Variants in CDH18 observed in about 807,000 individuals in gnomAD.
CDH18 encodes cadherin-18.
In CDH18, 31 loss-of-function variants were observed where a neutral mutation model predicts 67.9. The observed-to-expected ratio is 0.46, with a 90% CI of 0.34 to 0.62. The LOEUF is 0.62. Ranked by LOEUF, CDH18 falls within the 20% of genes least tolerant of loss-of-function variation. CDH18 has a pLI of 0.01. For synonymous variants in CDH18, 362 were observed against 347.2 expected, an observed-to-expected ratio of 1.04 and a Z score of -0.48; for missense variants, 890 against 975.5, an observed-to-expected ratio of 0.91 and a Z score of 1.17.
intron 2 of CDH18, among the ~76,000 whole-genome samples, chr5:20,228,166 C>T (rs1408654452): frequency 6.6e-6 from 1 of 151,848 alleles, no homozygotes; most frequent in African/African-American, 2.4e-5. Context: ...TTTGTCATTC[C>T]TTATCAATCT....
intron 2 of CDH18, among the ~76,000 whole-genome samples, chr5:20,156,424 T>C (rs111936108): frequency 1.3e-5 from 2 of 152,154 alleles, no homozygotes; most frequent in African/African-American, 4.8e-5. Context: ...TAATGTTCTT[T>C]GCAACAACAT....
At chr5:20,510,566 C>T (rs1035128698) in intron 1 of CDH18, among the ~76,000 whole-genome samples, 2 of 151,994 alleles carry the variant, frequency 1.3e-5, no homozygotes, top group African/African-American at 4.8e-5. Flanking sequence ...CAGTGAATCT[C>T]GGCCTTCACT....
intron 2 of CDH18, among the ~76,000 whole-genome samples, chr5:19,847,347 C>T (rs1300863196): frequency 6.6e-6 from 1 of 151,966 alleles, no homozygotes; most frequent in Non-Finnish European, 1.5e-5. Context: ...TTTCAAATGG[C>T]CTGTCTTTAA....
chr5:19,562,346 ATC>A (rs1032759221), intron 8 of CDH18, among the ~76,000 whole-genome samples: 5 of 152,250 alleles, frequency 3.3e-5, no homozygotes, highest in East Asian at 1.9e-4. Context: ...TTATTTTAAA[ATC>A]TCTCTCTTTT....
intron 2 of CDH18, among the ~76,000 whole-genome samples, chr5:20,157,646 T>A (rs1271745504): frequency 1.8e-5 from 2 of 114,184 alleles, no homozygotes; most frequent in East Asian, 6.0e-4. Flanking sequence ...TTTAACCCAC[T>A]TTTTTTTTTT....
At chr5:19,518,745 G>A (rs900578507) in intron 10 of CDH18, among the ~76,000 whole-genome samples, 4 of 152,044 alleles carry the variant, frequency 2.6e-5, no homozygotes, top group Admixed American at 1.3e-4. Context: ...CTAATATTGA[G>A]GTTTAGGGAC....
At chr5:20,167,253 T>C (rs1281854601) in intron 2 of CDH18, among the ~76,000 whole-genome samples, 1 of 152,116 alleles carries the variant, frequency 6.6e-6, no homozygotes, top group Non-Finnish European at 1.5e-5. Context: ...ACCAAATAAA[T>C]GCTTTTGTCC....
chr5:19,784,104 A>C (rs975282743), intron 3 of CDH18, among the ~76,000 whole-genome samples: 6 of 152,174 alleles, frequency 3.9e-5, no homozygotes, highest in South Asian at 2.1e-4. Flanking sequence ...TGCCATGTGC[A>C]AAAAACTGGA....
chr5:20,249,214 T>TA lies in CDH18; in HGVS notation c.-518+6229dup, dbSNP rs563402037. ...AGCAAAATTCATTATGTGATTTTTT[T>TA]AAATTATTTTTAAAACTTCATCAAA... On this transcript the variant is annotated intron_variant, in intron 2 of 14. Coordinates refer to the CDH18 transcript ENST00000507958. 7.4e-3 allele frequency among the ~76,000 whole-genome samples: 1,126 copies of TA among 152,092 alleles called. 11 individuals carry two copies. Among genetic ancestry groups the TA allele is most frequent in the South Asian group, 0.014 (67 of 4,828 alleles).
intron 1 of CDH18, among the ~76,000 whole-genome samples, chr5:20,510,979 TG>T (rs1159302415): frequency 1.3e-5 from 2 of 152,198 alleles, no homozygotes. Flanking sequence ...TTGGAACAAT[TG>T]GATAGCCACA....
intron 1 of CDH18, among the ~76,000 whole-genome samples, chr5:20,488,023 G>A (rs1468547200): frequency 2.0e-5 from 3 of 152,078 alleles, no homozygotes; most frequent in Admixed American, 2.0e-4. Context: ...CTGATTGGCT[G>A]TCCTGCCTGT....
intron 3 of CDH18, among the ~76,000 whole-genome samples, chr5:19,824,800 C>T (rs941151652): frequency 2.0e-5 from 3 of 152,134 alleles, no homozygotes; most frequent in African/African-American, 7.2e-5. Flanking sequence ...CCCAATCCAA[C>T]CCTGCAACTG....
At chr5:19,562,567 T>C (rs413813) in intron 8 of CDH18, among the ~76,000 whole-genome samples, 8,585 of 152,238 alleles carry the variant, frequency 0.056, 261 homozygotes, top group African/African-American at 0.076. Flanking sequence ...ATACTTTTAA[T>C]ACTTTGCATC....
chr5:20,472,989 ATTACT>A (rs767176235), intron 1 of CDH18, among the ~76,000 whole-genome samples: 10 of 152,184 alleles, frequency 6.6e-5, no homozygotes, highest in African/African-American at 1.4e-4. Flanking sequence ...TAAGCAGTAC[ATTACT>A]TTATTTAACC....
At chr5:20,476,403 G>A (rs1752446783) in intron 1 of CDH18, among the ~76,000 whole-genome samples, 1 of 150,510 alleles carries the variant, frequency 6.6e-6, no homozygotes. Flanking sequence ...TGAACAATTT[G>A]ATGAGTCAGA....
At chr5:19,740,520 G>C (rs1234071349) in intron 4 of CDH18, among the ~76,000 whole-genome samples, 1 of 152,026 alleles carries the variant, frequency 6.6e-6, no homozygotes, top group Non-Finnish European at 1.5e-5. Flanking sequence ...AATTATTCTT[G>C]TTTTAAATAA....
intron 1 of CDH18, among the ~76,000 whole-genome samples, chr5:20,297,712 C>T (rs1265615744): frequency 4.6e-5 from 7 of 151,982 alleles, no homozygotes; most frequent in African/African-American, 1.2e-4. Flanking sequence ...CTATAAGCAA[C>T]GGCAAAGCAC....
chr5:20,376,553 T>C (rs1205637469), intron 1 of CDH18, among the ~76,000 whole-genome samples: 1 of 144,360 alleles, frequency 6.9e-6, no homozygotes, highest in African/African-American at 2.7e-5. Flanking sequence ...TGAATTTCTT[T>C]TTGCTTAATT....
chr5:19,776,421 T>G (rs1304060880), intron 3 of CDH18, among the ~76,000 whole-genome samples: 1 of 152,138 alleles, frequency 6.6e-6, no homozygotes, highest in Non-Finnish European at 1.5e-5. Context: ...GTTTAATTCT[T>G]TATGCAAATT....
Sources: gnomAD v4.1 joint callset for allele counts (sites outside exome capture counted in the v4.1 genomes callset) on GRCh38, gnomAD v4.1.1 for gene constraint, MANE v1.5 for transcripts, NCBI Gene and HGNC (gene_info 2026-07-23, HGNC 2026-07-21) for gene names.